The following TRPM3 variants were observed in gnomAD, a reference collection of about 807,000 sequenced individuals.
TRPM3 encodes transient receptor potential cation channel subfamily M member 3, also known as long transient receptor potential channel 3.
In TRPM3, 77 loss-of-function variants were observed where a neutral mutation model predicts 181.2. The observed-to-expected ratio is 0.42, with a 90% confidence interval of 0.35 to 0.51. TRPM3 has a LOEUF of 0.51. TRPM3 is among the 20% of genes least tolerant of loss of function. The pLI, the probability that TRPM3 is intolerant of heterozygous loss-of-function variation, is 0.01. For missense variants in TRPM3, 1,759 were observed against 2,196.7 expected (o/e 0.80, Z 3.98); for synonymous variants, 745 against 796.4 (o/e 0.94, Z 1.09).
intron 1 of TRPM3, among the ~76,000 whole-genome samples, chr9:70,879,192 G>A (rs1276735399): frequency 6.6e-6 from 1 of 152,110 alleles, no homozygotes. Flanking sequence ...CAGTGACACA[G>A]AGAAGTAAAT....
intron 6 of TRPM3, chr9:70,825,380 C>A (rs1032732477): frequency 1.3e-5 from 2 of 152,138 alleles, no homozygotes; most frequent in Non-Finnish European, 2.9e-5. Flanking sequence ...GGAAGAGGAG[C>A]CTGTGGGTCT....
At chr9:70,552,776 C>T (rs540644478) in intron 24 of TRPM3, 68 bp downstream of exon 24, 52 of 1,545,386 alleles carry the variant, frequency 3.4e-5, no homozygotes, top group South Asian at 1.8e-4. Flanking sequence ...TGCGATTCTG[C>T]GTGATTGCCT....
intron 9 of TRPM3, among the ~76,000 whole-genome samples, chr9:70,647,725 TC>T (rs1240997968): frequency 6.6e-6 from 1 of 152,116 alleles, no homozygotes; most frequent in Non-Finnish European, 1.5e-5. Context: ...ATAAAAGGCA[TC>T]CCAATAGGAA....
chr9:70,657,370 A>C (rs2133878451), intron 9 of TRPM3, among the ~76,000 whole-genome samples: 1 of 152,082 alleles, frequency 6.6e-6, no homozygotes, highest in South Asian at 2.1e-4. Flanking sequence ...AGGCCACGAA[A>C]TACTAACAAC....
At chr9:71,088,322 A>G (rs1373342691) in intron 1 of TRPM3, among the ~76,000 whole-genome samples, 1 of 152,142 alleles carries the variant, frequency 6.6e-6, no homozygotes, top group Non-Finnish European at 1.5e-5. Flanking sequence ...GCATTTGCAG[A>G]TGGCAAGGAA....
chr9:71,239,122 C>T (rs535400608), intron 1 of TRPM3, among the ~76,000 whole-genome samples: 134 of 152,226 alleles, frequency 8.8e-4, no homozygotes, highest in African/African-American at 3.0e-3. Context: ...TCTGGTACCA[C>T]AAATCCAATG....
chr9:71,297,553 A>C (rs1410192508), intron 1 of TRPM3, among the ~76,000 whole-genome samples: 1 of 152,154 alleles, frequency 6.6e-6, no homozygotes, highest in East Asian at 1.9e-4. Context: ...GATCGGAATG[A>C]AGGAGGAAGC....
chr9:70,857,873 CT>C (rs1383153640), intron 3 of TRPM3, among the ~76,000 whole-genome samples: 18 of 152,262 alleles, frequency 1.2e-4, no homozygotes, highest in Non-Finnish European at 2.5e-4. Context: ...TATTAGTGTG[CT>C]TGTCTCAAAA....
intron 1 of TRPM3, among the ~76,000 whole-genome samples, chr9:71,079,692 C>G (rs1456446332): frequency 6.6e-6 from 1 of 152,160 alleles, no homozygotes; most frequent in South Asian, 2.1e-4. Context: ...CTGCTTCCCT[C>G]CAGCTGGCTT....
At chr9:70,936,326 C>T (rs1354859538) in intron 1 of TRPM3, among the ~76,000 whole-genome samples, 2 of 152,088 alleles carry the variant, frequency 1.3e-5, no homozygotes, top group Admixed American at 1.3e-4. Flanking sequence ...CATTCAATTC[C>T]ATGTATGAAG....
chr9:70,894,064 G>A (rs1341521911), intron 1 of TRPM3, among the ~76,000 whole-genome samples: 1 of 152,156 alleles, frequency 6.6e-6, no homozygotes, highest in Non-Finnish European at 1.5e-5. Flanking sequence ...TTGGAACATT[G>A]TTGGAGGAAA....
At chr9:71,352,007 C>T (rs974739365) in intron 1 of TRPM3, among the ~76,000 whole-genome samples, 1 of 151,614 alleles carries the variant, frequency 6.6e-6, no homozygotes, top group Admixed American at 6.6e-5. Flanking sequence ...TCCCGAGTAG[C>T]TGGGACTACA....
chr9:70,970,974 T>C (rs2097237939), intron 1 of TRPM3, among the ~76,000 whole-genome samples: 1 of 152,190 alleles, frequency 6.6e-6, no homozygotes, highest in Non-Finnish European at 1.5e-5. Context: ...CTAACTCGTC[T>C]GGCAACCAAT....
intron 1 of TRPM3, among the ~76,000 whole-genome samples, chr9:70,882,810 A>G (rs757646189): frequency 8.5e-5 from 13 of 152,152 alleles, no homozygotes; most frequent in Non-Finnish European, 1.6e-4. Context: ...GCACCTTGAA[A>G]GATTTAACCA....
intron 1 of TRPM3, among the ~76,000 whole-genome samples, chr9:70,947,102 T>C (rs1011847834): frequency 1.3e-5 from 2 of 152,240 alleles, no homozygotes; most frequent in Non-Finnish European, 2.9e-5. Flanking sequence ...TTCTGGCTCA[T>C]AATGTATACA....
At chr9:70,668,614 G>A (rs972529295) in intron 9 of TRPM3, among the ~76,000 whole-genome samples, 6 of 137,632 alleles carry the variant, frequency 4.4e-5, no homozygotes, top group African/African-American at 8.2e-5. Context: ...CCAGTGAGCC[G>A]AGATCGCGCC....
rs140042610 is a variant in TRPM3, at chr9:70,656,969, G to A, written c.1346-16309C>T. Among the ~76,000 whole-genome samples, 7 of 150,570 alleles carry A rather than the reference G, an allele frequency of 4.6e-5. 1 individual carries two copies. The East Asian group carries it at 1.4e-3, about 29-fold the overall frequency. The stretch of plus-strand genomic sequence containing the variant: ...GAAATCTTAAAAAGAAATATTTTAT[G>A]TAAGAAAGAATCTTACATGGTAAAT... On this transcript the variant is annotated intron_variant, in intron 9 of 25. Transcript: ENST00000677713.
chr9:70,744,390 C>T (rs1268706920), intron 8 of TRPM3, among the ~76,000 whole-genome samples: 1 of 151,734 alleles, frequency 6.6e-6, no homozygotes, highest in Non-Finnish European at 1.5e-5. Flanking sequence ...GATATTTGCT[C>T]TTCATTTGTA....
Position 70,739,020 on chromosome 9 carries a change from C to A in TRPM3, c.1272+22581G>T, listed in dbSNP as rs185146182. Among the ~76,000 whole-genome samples, 449 of 152,048 alleles carry A rather than the reference C, an allele frequency of 3.0e-3. 2 individuals are homozygous for A. The highest frequency in any genetic ancestry group is 9.8e-3 in the African/African-American group (407 of 41,492). On this transcript the variant is annotated intron_variant, in intron 8 of 25. Transcript: ENST00000677713. ...TGCCAACCAAGAAAACTTCCAGGAC[C>A]AGATGGATTTACAGCTGAATTCTAT...
Sources: allele counts gnomAD v4.1 joint callset (sites outside exome capture counted in the v4.1 genomes callset), GRCh38; gene constraint gnomAD v4.1.1; transcripts MANE v1.5; gene names NCBI Gene and HGNC (gene_info 2026-07-23, HGNC 2026-07-21).